Variants in EYA1 observed in about 807,000 individuals in gnomAD.
EYA1 encodes EYA transcriptional coactivator and phosphatase 1.
EYA1 carries 16 observed loss-of-function variants against 82.0 expected under a neutral mutation model. The ratio of observed to expected loss-of-function variants is 0.20; its 90% CI spans 0.13 to 0.30. EYA1 has a LOEUF of 0.30. Among genes scored for constraint, EYA1 ranks in the 10% least tolerant of loss-of-function variants. EYA1 has a pLI of 1.00. For missense variants in EYA1, 633 were observed against 730.7 expected (o/e 0.87, Z 1.54); for synonymous variants, 261 against 264.4 (o/e 0.99, Z 0.12).
At chr8:71,473,364 A>C (rs1809385371) in intron 2 of EYA1, among the ~76,000 whole-genome samples, 1 of 151,808 alleles carries the variant, frequency 6.6e-6, no homozygotes, top group Non-Finnish European at 1.5e-5. Context: ...AAAAAAAAAA[A>C]AAAACCCATC....
intron 2 of EYA1, among the ~76,000 whole-genome samples, chr8:71,512,739 A>T (rs1812693924): frequency 6.6e-6 from 1 of 152,150 alleles, no homozygotes; most frequent in African/African-American, 2.4e-5. Flanking sequence ...GTAATGAAAC[A>T]AAAGCTTTTC....
intron 2 of EYA1, among the ~76,000 whole-genome samples, chr8:71,438,531 A>G (rs1411393551): frequency 6.6e-6 from 1 of 152,160 alleles, no homozygotes; most frequent in Non-Finnish European, 1.5e-5. Flanking sequence ...TTAAATATTT[A>G]ATAAGATTAC....
rs565581576 is a variant in EYA1, at chr8:71,543,117, C to A, written c.-73+4747G>T. ...CTTCCTCATGAAATCTTTGCCCCTT[C>A]ATATGTCCAGAATGGTGTTGCCTAG... On this transcript the variant is annotated intron_variant, in intron 1 of 18. Transcript: ENST00000643681. Among the ~76,000 whole-genome samples, 16 of 152,274 alleles carry A rather than the reference C, an allele frequency of 1.1e-4. 1 individual carries two copies. In the South Asian group the frequency reaches 2.5e-3, roughly 24 times the overall value.
At chr8:71,434,184 C>T (rs1805837558) in intron 2 of EYA1, among the ~76,000 whole-genome samples, 1 of 152,172 alleles carries the variant, frequency 6.6e-6, no homozygotes. Flanking sequence ...TGCTGGTTAC[C>T]TACCCTCGAT....
intron 11 of EYA1, among the ~76,000 whole-genome samples, chr8:71,267,557 T>G (rs189316171): frequency 6.6e-6 from 1 of 152,274 alleles, no homozygotes; most frequent in Admixed American, 6.5e-5. Flanking sequence ...ATAAAACTTT[T>G]GTTTTTTTTG....
Position 71,303,313 on chromosome 8 carries a change from T to TACACAC in EYA1, c.557-3594_557-3593insGTGTGT, listed in dbSNP as rs72096099. Among the ~76,000 whole-genome samples the TACACAC allele has an allele frequency of 4.7e-4, 48 of 102,592 alleles. 2 individuals carry two copies. Among genetic ancestry groups the TACACAC allele is most frequent in the Admixed American group, 1.1e-3 (12 of 10,794 alleles). 67.3% of individuals were successfully genotyped at this position (102,592 alleles called of 152,430 possible). ...ATCTCTGTGATGTACGTACATTTGA[T>TACACAC]ATACACACACACACACACACACACA... On this transcript the variant is annotated intron_variant, in intron 7 of 17. Coordinates refer to ENST00000340726, the MANE Select transcript of EYA1 (RefSeq NM_000503.6).
At chr8:71,396,197 T>G (rs1164527971) in intron 2 of EYA1, among the ~76,000 whole-genome samples, 2 of 152,192 alleles carry the variant, frequency 1.3e-5, no homozygotes, top group Non-Finnish European at 2.9e-5. Flanking sequence ...TCTTTATTAG[T>G]CTTTCTAGCG....
chr8:71,414,785 ATAGT>A (rs752257526), intron 2 of EYA1, among the ~76,000 whole-genome samples: 2 of 152,160 alleles, frequency 1.3e-5, no homozygotes, highest in Non-Finnish European at 2.9e-5. Flanking sequence ...TATGCATCTG[ATAGT>A]TAGGTGCCTT....
intron 7 of EYA1, among the ~76,000 whole-genome samples, chr8:71,312,006 G>A (rs1821393989): frequency 6.6e-6 from 1 of 152,212 alleles, no homozygotes; most frequent in African/African-American, 2.4e-5. Context: ...AGGGCACCAA[G>A]TAAGGCTGGC....
intron 11 of EYA1, among the ~76,000 whole-genome samples, chr8:71,254,065 A>C (rs1198005587): frequency 6.6e-6 from 1 of 152,034 alleles, no homozygotes; most frequent in Non-Finnish European, 1.5e-5. Flanking sequence ...TAAAACTTCC[A>C]AACTCTTGAG....
At chr8:71,203,963 A>G (rs1251079828) in intron 17 of EYA1, among the ~76,000 whole-genome samples, 2 of 152,220 alleles carry the variant, frequency 1.3e-5, no homozygotes, top group East Asian at 3.9e-4. Flanking sequence ...GCTTGTATTC[A>G]GACATTCAGA....
chr8:71,425,291 G>GAA (rs11372972), intron 2 of EYA1, among the ~76,000 whole-genome samples: 30 of 147,186 alleles, frequency 2.0e-4, no homozygotes, highest in Non-Finnish European at 2.1e-4. Context: ...CCGTCTCAAA[G>GAA]AAAAAAAAAA....
At chr8:71,372,679 T>A (rs377468961) in intron 2 of EYA1, among the ~76,000 whole-genome samples, 1 of 152,220 alleles carries the variant, frequency 6.6e-6, no homozygotes, top group African/African-American at 2.4e-5. Flanking sequence ...CAGATACATC[T>A]GAATATATGC....
intron 9 of EYA1, among the ~76,000 whole-genome samples, chr8:71,297,583 A>G (rs967443811): frequency 1.3e-5 from 2 of 152,158 alleles, no homozygotes; most frequent in African/African-American, 4.8e-5. Context: ...GTTTTCAGGA[A>G]GCTTGCATGA....
intron 2 of EYA1, among the ~76,000 whole-genome samples, chr8:71,525,292 A>G (rs1034872723): frequency 2.0e-5 from 3 of 152,202 alleles, no homozygotes; most frequent in African/African-American, 7.2e-5. Context: ...TGGGAGTACA[A>G]AGTCACAGAG....
intron 2 of EYA1, among the ~76,000 whole-genome samples, chr8:71,414,641 A>G (rs1446494296): frequency 6.6e-6 from 1 of 152,224 alleles, no homozygotes; most frequent in Non-Finnish European, 1.5e-5. Context: ...AAATAGTTCC[A>G]TCAGATTCTT....
At chr8:71,292,944 G>A (rs550248202) in intron 9 of EYA1, among the ~76,000 whole-genome samples, 22 of 152,028 alleles carry the variant, frequency 1.4e-4, no homozygotes, top group African/African-American at 5.3e-4. Flanking sequence ...ATGAAATAAT[G>A]AAAATCAGAG....
At chr8:71,486,942 G>A (rs938063980) in intron 2 of EYA1, among the ~76,000 whole-genome samples, 3 of 92,762 alleles carry the variant, frequency 3.2e-5, no homozygotes, top group African/African-American at 1.2e-4. Context: ...CACTTCTCAG[G>A]TGGTTCCAAA....
intron 2 of EYA1, among the ~76,000 whole-genome samples, chr8:71,475,577 A>G (rs947832534): frequency 1.3e-5 from 2 of 152,186 alleles, no homozygotes; most frequent in Admixed American, 6.6e-5. Flanking sequence ...TTTCCTTTTC[A>G]TTGTCCCAAA....
Sources: allele counts gnomAD v4.1 joint callset (sites outside exome capture counted in the v4.1 genomes callset), GRCh38; gene constraint gnomAD v4.1.1; transcripts MANE v1.5; gene names NCBI Gene and HGNC (gene_info 2026-07-23, HGNC 2026-07-21).